Variants in ROCK2 observed in about 807,000 individuals in gnomAD.
The protein encoded by ROCK2 is Rho associated coiled-coil containing protein kinase 2.
Under a neutral mutation model 195.1 loss-of-function variants are expected in ROCK2, and 61 were observed. The ratio of observed to expected loss-of-function variants is 0.31; its 90% CI spans 0.25 to 0.39. The LOEUF (loss-of-function observed/expected upper bound fraction) is 0.39. Among genes scored for constraint, ROCK2 ranks in the 10% least tolerant of loss-of-function variants. ROCK2 has a pLI of 1.00. For missense variants in ROCK2, 1,109 were observed against 1,637.4 expected (o/e 0.68, Z 5.57); for synonymous variants, 504 against 545.5 (o/e 0.92, Z 1.06).
intron 3 of ROCK2, among the ~76,000 whole-genome samples, chr2:11,256,977 T>C (rs144641394): frequency 1.3e-5 from 2 of 151,512 alleles, no homozygotes; most frequent in East Asian, 3.9e-4. Context: ...GCAGGGATAG[T>C]AGGCTAGGGA....
At chr2:11,333,446 C>T (rs12467103) in intron 1 of ROCK2, among the ~76,000 whole-genome samples, 109,730 of 152,072 alleles carry the variant, frequency 0.72, 41,797 homozygotes, top group East Asian at 0.94. Flanking sequence ...GAAAAACTAT[C>T]ACAGCTCTAA....
chr2:11,343,966 C>T (rs745633897), intron 1 of ROCK2, 30 bp downstream of exon 1: 13 of 1,581,366 alleles, frequency 8.2e-6, no homozygotes, highest in Non-Finnish European at 8.6e-7. Context: ...TGAGCTGCAA[C>T]GAGCAAGCTC....
At chr2:11,212,245 G>A (rs992613571) in intron 17 of ROCK2, among the ~76,000 whole-genome samples, 1 of 151,980 alleles carries the variant, frequency 6.6e-6, no homozygotes, top group Non-Finnish European at 1.5e-5. Context: ...GGCTTAACTA[G>A]AATGTTCAGT....
At chr2:11,344,623 GCGGCCGCCCGTCTC>G (rs1022760612) in exon 1 of ROCK2, 2 of 231,766 alleles carry the variant, frequency 8.6e-6, no homozygotes, top group African/African-American at 4.8e-5. The surrounding 1 kb of genome is among the most constrained non-coding windows in gnomAD (Gnocchi z 5.4). Flanking sequence ...ACACTCCCGC[GCGGCCGCCCGTCTC>G]CGGCCGCGCG....
chr2:11,180,853 T>C lies in ROCK2; in HGVS notation c.*2584A>G, dbSNP rs1265766005. On this transcript the variant is annotated 3_prime_UTR_variant, in exon 33 of 33. Transcript: ENST00000315872. ...TCATGTATGTACATGAAAGCGGCAA[T>C]GCGGTAAAAAGCGAATTCTTACCCA... The C allele has an allele frequency of 6.6e-6, 1 of 152,242 alleles. No homozygotes were observed. The highest frequency in any genetic ancestry group is 1.5e-5 in the Non-Finnish European group (1 of 68,046). 9.4% of individuals were successfully genotyped at this position (152,242 alleles called of 1,614,324 possible).
intron 2 of ROCK2, among the ~76,000 whole-genome samples, chr2:11,286,842 T>A (rs1169567180): frequency 6.6e-6 from 1 of 152,222 alleles, no homozygotes; most frequent in Non-Finnish European, 1.5e-5. Flanking sequence ...CACATATAAA[T>A]GAACACCACT....
chr2:11,288,963 C>A (rs1389356489), intron 1 of ROCK2, among the ~76,000 whole-genome samples: 1 of 152,062 alleles, frequency 6.6e-6, no homozygotes, highest in Non-Finnish European at 1.5e-5. Flanking sequence ...AATAACTGTA[C>A]ATACTATGCT....
intron 1 of ROCK2, among the ~76,000 whole-genome samples, chr2:11,295,423 CA>C (rs1020865366): frequency 1.3e-3 from 181 of 137,912 alleles, no homozygotes; most frequent in Admixed American, 1.5e-3. Context: ...GACTTTAGGG[CA>C]AAAAAAAAAA....
intron 4 of ROCK2, among the ~76,000 whole-genome samples, chr2:11,237,908 A>G (rs1158109872): frequency 6.6e-6 from 1 of 152,088 alleles, no homozygotes; most frequent in African/African-American, 2.4e-5. Flanking sequence ...CAAAACCCCC[A>G]TCTCTACTAA....
chr2:11,198,369 G>T, intron 25 of ROCK2, 122 bp downstream of exon 25: 1 of 652,034 alleles, frequency 1.5e-6, no homozygotes, highest in Non-Finnish European at 2.6e-6. Flanking sequence ...AGGTAATTGT[G>T]ACTTCACAAA....
rs546493648 is a variant in ROCK2 at position 11,182,130 on chromosome 2, C to A, written c.*1307G>T. 3 of 152,142 alleles carry A rather than the reference C, an allele frequency of 2.0e-5. No individual in the cohort carries two copies. In the East Asian group the frequency reaches 5.8e-4, roughly 29 times the overall value. 9.4% of individuals were successfully genotyped at this position (152,142 alleles called of 1,614,324 possible). A position where few individuals can be genotyped will look rare whatever the true frequency, so the allele number is the denominator to read the frequency against. Reference sequence around the variant, plus strand: ...CAAGAATGTCCTGCGTAAACTGTAACTTTGACAGCATTTAAAAAATAAAAA... The same window carrying A: ...CAAGAATGTCCTGCGTAAACTGTAAATTTGACAGCATTTAAAAAATAAAAA... On this transcript the variant is annotated 3_prime_UTR_variant, in exon 33 of 33. Coordinates refer to ENST00000315872, the MANE Select transcript of ROCK2 (RefSeq NM_004850.5).
chr2:11,281,231 A>C (rs75994575), intron 3 of ROCK2, among the ~76,000 whole-genome samples: 2 of 148,176 alleles, frequency 1.3e-5, no homozygotes, highest in African/African-American at 2.5e-5. Flanking sequence ...AAAAAAAAAA[A>C]CCTCAGTACA....
rs368910741 is a variant in ROCK2 at position 11,201,440 on chromosome 2, C to G, written c.2620-27G>C. ...TAAATAGCAAAATACAACAGAAATG[C>G]GTATCATCATCAGAAATATTACTTC... is the stretch of plus-strand genomic sequence containing the variant. On this transcript the variant is annotated intron_variant, in intron 21 of 32. Transcript: ENST00000315872. The surrounding 1 kb of genome is among the most constrained non-coding windows in gnomAD (Gnocchi z 4.6). 8.7e-7 allele frequency: 1 copy of G among 1,150,114 alleles called. No homozygotes were observed. Among genetic ancestry groups the G allele is most frequent in the Non-Finnish European group, 1.3e-6 (1 of 761,576 alleles). 71.2% of individuals were successfully genotyped at this position (1,150,114 alleles called of 1,614,324 possible). A position where few individuals can be genotyped will look rare whatever the true frequency, so the allele number is the denominator to read the frequency against.
At chr2:11,248,331 C>T (rs185360763) in intron 4 of ROCK2, among the ~76,000 whole-genome samples, 15 of 152,072 alleles carry the variant, frequency 9.9e-5, no homozygotes, top group South Asian at 4.2e-4. Flanking sequence ...ACTCAGGACA[C>T]TTGTTCAAAA....
intron 1 of ROCK2, among the ~76,000 whole-genome samples, chr2:11,316,861 A>G (rs1442722757): frequency 5.3e-5 from 8 of 152,166 alleles, no homozygotes; most frequent in Non-Finnish European, 1.2e-4. Context: ...AAATGCATCA[A>G]AATTTCTCAG....
Position 11,344,331 on chromosome 2 carries a change from G to GACCCA in ROCK2, c.-196_-195insTGGGT. Reference sequence around the variant, plus strand: ...CCCAGGGGCCCGCCCGGCCCAGCCCGGCCCAGCCCGGCCCGGCCCTGCCGG... The same window carrying GACCCA: ...CCCAGGGGCCCGCCCGGCCCAGCCCGACCCAGCCCAGCCCGGCCCGGCCCTGCCGG... On this transcript the variant is annotated 5_prime_UTR_variant, in exon 1 of 33. Transcript: ENST00000315872. This position sits in a 1 kb window ranked among gnomAD's most constrained non-coding sequence, Gnocchi z 5.4. The GACCCA allele has an allele frequency of 9.9e-7, 1 of 1,014,632 alleles. No individual in the cohort carries two copies. 62.9% of individuals were successfully genotyped at this position (1,014,632 alleles called of 1,614,324 possible).
rs1312051404 is a variant in ROCK2 at position 11,207,881 on chromosome 2, T to C, written c.2394A>G (p.Gln798=). 2 of 1,588,734 alleles carry C rather than the reference T, an allele frequency of 1.3e-6. No homozygotes were observed. The highest frequency in any genetic ancestry group is 1.4e-5 in the African/African-American group (1 of 73,882). Residue 798 remains glutamine (Q), a synonymous_variant, in exon 20 of 33, where the codon CAA becomes CAG. Coordinates refer to ENST00000315872, the MANE Select transcript of ROCK2 (RefSeq NM_004850.5). ...DVRNLTLKIE[Q]ETQKRCLTQN... is the part of the protein sequence containing the mutation. ...GTGTAAGGCAGCGCTTCTGAGTTTC[T>C]TGCTCTATTTTTAATGTCAGGTTTC...
intron 9 of ROCK2, among the ~76,000 whole-genome samples, chr2:11,219,626 C>T (rs1664559021): frequency 6.6e-6 from 1 of 151,990 alleles, no homozygotes; most frequent in African/African-American, 2.4e-5. Flanking sequence ...CTATACTTCC[C>T]ACCTCTTCAT....
chr2:11,294,256 T>C (rs1262385517), intron 1 of ROCK2, among the ~76,000 whole-genome samples: 1 of 152,122 alleles, frequency 6.6e-6, no homozygotes, highest in East Asian at 1.9e-4. Flanking sequence ...TTGATCAAGG[T>C]TTTAGAAGAA....
Sources: allele counts gnomAD v4.1 joint callset (sites outside exome capture counted in the v4.1 genomes callset), GRCh38; gene constraint gnomAD v4.1.1; non-coding constraint Gnocchi (gnomAD v3.1); transcripts MANE v1.5; gene names NCBI Gene and HGNC (gene_info 2026-07-23, HGNC 2026-07-21).